Variants in ADGRL2 observed in about 807,000 individuals in gnomAD.
ADGRL2 encodes adhesion G protein-coupled receptor L2.
Under a neutral mutation model 157.4 loss-of-function variants are expected in ADGRL2, and 44 were observed. That is an observed-to-expected ratio of 0.28 (90% CI 0.22 to 0.36). The LOEUF (loss-of-function observed/expected upper bound fraction) is 0.36, where lower values mean the gene tolerates loss of function less well. ADGRL2 is among the 10% of genes least tolerant of loss of function. ADGRL2 has a pLI of 1.00. For missense variants in ADGRL2, 1,510 were observed against 1,768.9 expected, an observed-to-expected ratio of 0.85 and a Z score of 2.63; for synonymous variants, 585 against 624.7, an observed-to-expected ratio of 0.94 and a Z score of 0.95.
chr1:81,931,654 C>G (rs190091020), intron 3 of ADGRL2, among the ~76,000 whole-genome samples: 2 of 152,166 alleles, frequency 1.3e-5, no homozygotes, highest in African/African-American at 4.8e-5. Flanking sequence ...GAATTATACC[C>G]TGGAAATGGT....
intron 2 of ADGRL2, among the ~76,000 whole-genome samples, chr1:81,489,035 T>A (rs2078570974): frequency 1.3e-5 from 2 of 151,992 alleles, no homozygotes; most frequent in Non-Finnish European, 2.9e-5. Context: ...GTCAGCAGTT[T>A]GAGACTAGCC....
intron 11 of ADGRL2, among the ~76,000 whole-genome samples, chr1:81,960,158 C>T (rs1350547550): frequency 6.6e-6 from 1 of 152,038 alleles, no homozygotes; most frequent in African/African-American, 2.4e-5. Context: ...ATTTTTTAAA[C>T]ATTTTTTGTT....
At chr1:81,476,529 CCAG>C (rs879349326) in intron 2 of ADGRL2, among the ~76,000 whole-genome samples, 3 of 152,106 alleles carry the variant, frequency 2.0e-5, no homozygotes, top group Non-Finnish European at 4.4e-5. Context: ...CACCTCAAGC[CCAG>C]ATCCTTCTTC....
chr1:81,632,258 C>G (rs1570687626), intron 3 of ADGRL2, among the ~76,000 whole-genome samples: 1 of 151,906 alleles, frequency 6.6e-6, no homozygotes, highest in Non-Finnish European at 1.5e-5. Context: ...AAGTTATGAA[C>G]AAAAATAAAA....
chr1:81,800,700 G>A (rs1341550885), upstream of ADGRL2, among the ~76,000 whole-genome samples: 1 of 151,948 alleles, frequency 6.6e-6, no homozygotes, highest in Admixed American at 6.6e-5. Context: ...TTTTTAAAGT[G>A]CATGTGTGTG....
At chr1:81,725,868 C>T (rs1044553125) in intron 1 of ADGRL2, among the ~76,000 whole-genome samples, 3 of 151,856 alleles carry the variant, frequency 2.0e-5, no homozygotes, top group Non-Finnish European at 2.9e-5. Context: ...CGGTAGTCCC[C>T]GCTAGTTGCG....
intron 2 of ADGRL2, among the ~76,000 whole-genome samples, chr1:81,512,656 T>A (rs1570339270): frequency 6.6e-6 from 1 of 152,326 alleles, no homozygotes; most frequent in Middle Eastern, 3.4e-3. Flanking sequence ...CCATTTATTA[T>A]CATTTCTATC....
chr1:81,414,543 G>T (rs1386405220), intron 1 of ADGRL2, among the ~76,000 whole-genome samples: 1 of 152,212 alleles, frequency 6.6e-6, no homozygotes, highest in East Asian at 1.9e-4. Flanking sequence ...CTGGTGGGTG[G>T]TGCAAGGGAG....
intron 1 of ADGRL2, among the ~76,000 whole-genome samples, chr1:81,826,821 C>A (rs979540210): frequency 6.6e-6 from 1 of 152,062 alleles, no homozygotes; most frequent in South Asian, 2.1e-4. Context: ...CAGTCAAACA[C>A]CTAGATTATT....
intron 3 of ADGRL2, among the ~76,000 whole-genome samples, chr1:81,671,253 G>A (rs986493504): frequency 6.6e-6 from 1 of 152,182 alleles, no homozygotes; most frequent in African/African-American, 2.4e-5. Flanking sequence ...CTAGAAGTGG[G>A]CTCCAGGCCA....
intron 3 of ADGRL2, among the ~76,000 whole-genome samples, chr1:81,593,765 T>A (rs2081177868): frequency 1.3e-5 from 2 of 152,152 alleles, no homozygotes. Context: ...AGACAAACAG[T>A]TAAAAGTGTA....
intron 1 of ADGRL2, among the ~76,000 whole-genome samples, chr1:81,392,102 CAT>C (rs2101137404): frequency 6.6e-6 from 1 of 152,022 alleles, no homozygotes; most frequent in South Asian, 2.1e-4. Context: ...TACTGTCAAC[CAT>C]TATACTGTAC....
upstream of ADGRL2, among the ~76,000 whole-genome samples, chr1:81,695,961 C>A (rs1431167920): frequency 6.6e-6 from 1 of 152,060 alleles, no homozygotes; most frequent in African/African-American, 2.4e-5. Context: ...TCTTCTTTTG[C>A]AGACTGACAA....
intron 2 of ADGRL2, among the ~76,000 whole-genome samples, chr1:81,794,357 T>A (rs1280431015): frequency 6.6e-6 from 1 of 152,142 alleles, no homozygotes; most frequent in East Asian, 1.9e-4. Flanking sequence ...TGTAGATAGG[T>A]GATTTTGGTA....
intron 1 of ADGRL2, among the ~76,000 whole-genome samples, chr1:81,718,089 G>A (rs1268369591): frequency 6.6e-6 from 1 of 152,068 alleles, no homozygotes; most frequent in Middle Eastern, 3.2e-3. Context: ...GTGCCATCTC[G>A]GCTCACTCCA....
chr1:81,342,675 T>G (rs534680356), intron 1 of ADGRL2, among the ~76,000 whole-genome samples: 1 of 152,282 alleles, frequency 6.6e-6, no homozygotes, highest in Non-Finnish European at 1.5e-5. Context: ...TTTTCTTAAT[T>G]TAGTTATTAA....
At chr1:81,564,088 A>G (rs928664599) in intron 2 of ADGRL2, among the ~76,000 whole-genome samples, 5 of 152,204 alleles carry the variant, frequency 3.3e-5, no homozygotes, top group African/African-American at 1.2e-4. Context: ...CAAAACAATG[A>G]TCCCAGCCAC....
rs556081413 is a variant in ADGRL2, at chr1:81,809,545, C to T, written c.-101+8477C>T. Among the ~76,000 whole-genome samples, 5 of 151,916 alleles carry T rather than the reference C, an allele frequency of 3.3e-5. No homozygotes were observed. In the South Asian group the frequency reaches 1.0e-3, roughly 32 times the overall value. On this transcript the variant is annotated intron_variant, in intron 1 of 23. Transcript: ENST00000686636. ...ACATGTTAATTTGTTAGAACAAAACCAGATACAATCCTGTCTTTTTTTCTG... is the reference window on the plus strand; with the variant it reads ...ACATGTTAATTTGTTAGAACAAAACTAGATACAATCCTGTCTTTTTTTCTG...
At chr1:81,594,329 A>G (rs2081190033) in intron 3 of ADGRL2, among the ~76,000 whole-genome samples, 1 of 152,220 alleles carries the variant, frequency 6.6e-6, no homozygotes, top group African/African-American at 2.4e-5. Context: ...TTTCAAAAAT[A>G]GTTAATGAAA....
Sources: gnomAD v4.1 joint callset for allele counts (sites outside exome capture counted in the v4.1 genomes callset) on GRCh38, gnomAD v4.1.1 for gene constraint, MANE v1.5 for transcripts, NCBI Gene and HGNC (gene_info 2026-07-23, HGNC 2026-07-21) for gene names.